Variants in C8orf76 observed in about 807,000 individuals in gnomAD.
The protein encoded by C8orf76 is chromosome 8 open reading frame 76, also known as uncharacterized protein C8orf76.
C8orf76 carries 46 observed loss-of-function variants against 38.1 expected under a neutral mutation model. The observed-to-expected ratio is 1.21, with a 90% CI of 0.95 to 1.54. The LOEUF is 1.54. C8orf76 is among the 40% of genes most tolerant of loss of function. C8orf76 has a pLI of 0.00. For synonymous variants in C8orf76, 166 were observed against 167.5 expected (o/e 0.99, Z 0.07); for missense variants, 461 against 441.6 (o/e 1.04, Z -0.39).
At chr8:123,223,596 A>C (rs954098121) in intron 5 of C8orf76, among the ~76,000 whole-genome samples, 3 of 152,206 alleles carry the variant, frequency 2.0e-5, no homozygotes, top group African/African-American at 7.2e-5. Flanking sequence ...TGACAGAGCA[A>C]GACTCCGTCT....
At chr8:123,223,865 TA>T (rs1824953135) in intron 5 of C8orf76, among the ~76,000 whole-genome samples, 1 of 152,128 alleles carries the variant, frequency 6.6e-6, no homozygotes, top group Non-Finnish European at 1.5e-5. Context: ...AAAGGACACA[TA>T]TGGCATGATT....
At chr8:123,231,816 T>C in intron 3 of C8orf76, 59 bp from the exon 4 acceptor site, 1 of 1,503,794 alleles carries the variant, frequency 6.6e-7, no homozygotes, top group Non-Finnish European at 8.8e-7. Flanking sequence ...CCATATAAAA[T>C]GAGAATGCCT....
At position 123,237,781 on chromosome 8, in the gene C8orf76, G is replaced by A; in HGVS notation, c.357+17C>T. 1 of 1,605,710 alleles carries A rather than the reference G, an allele frequency of 6.2e-7. No homozygotes were observed. The highest frequency in any genetic ancestry group is 8.5e-7 in the Non-Finnish European group (1 of 1,177,150). ...CTTATAGGAATGTGTGTGAAAATAA[G>A]CAATAAAATCACTCACCAAGTTTGC... is the stretch of plus-strand genomic sequence containing the variant. On this transcript the variant is annotated intron_variant, in intron 3 of 5. Coordinates refer to ENST00000276704, the MANE Select transcript of C8orf76 (RefSeq NM_032847.3).
chr8:123,233,615 T>C (rs769077941), intron 3 of C8orf76, among the ~76,000 whole-genome samples: 13 of 152,058 alleles, frequency 8.5e-5, no homozygotes, highest in Middle Eastern at 3.4e-3. Context: ...AGGCTGGTCT[T>C]GAACTCCTGA....
In C8orf76 at chr8:123,231,736, C is replaced by T. The variant is rs1166458923; in HGVS notation, c.379G>A (p.Asp127Asn). ...AGGTAGAGTACCGTGGTTAAATGGT[C>T]TGTGTTGGTTGCTTTATTTTCCTAA... ...ANLENKATNTDHLTTVLYLQL... is the reference protein window; with the variant it reads ...ANLENKATNTNHLTTVLYLQL... Residue 127 changes from aspartate to asparagine, a missense_variant, in exon 4 of 6, where the codon GAC becomes AAC. Coordinates refer to ENST00000276704, the MANE Select transcript of C8orf76 (RefSeq NM_032847.3). 4 of 1,605,970 alleles carry T rather than the reference C, an allele frequency of 2.5e-6. No homozygotes were observed. Among genetic ancestry groups the T allele is most frequent in the Non-Finnish European group, 3.4e-6 (4 of 1,179,082 alleles).
intron 5 of C8orf76, among the ~76,000 whole-genome samples, chr8:123,221,015 T>C (rs1824884209): frequency 1.3e-5 from 2 of 152,314 alleles, no homozygotes; most frequent in South Asian, 4.1e-4. Flanking sequence ...AGGGATGTTG[T>C]AGAGGGAATT....
chr8:123,231,703 C>T lies in C8orf76; in HGVS notation c.412G>A (p.Ala138Thr), dbSNP rs765701081. The change falls in exon 4 of 6, where the codon GCT (alanine) becomes ACT (threonine). Residue 138 changes from alanine (A) to threonine (T), a missense_variant. By Grantham distance (58) the Ala-to-Thr change is moderately conservative. Coordinates refer to ENST00000276704, the MANE Select transcript of C8orf76 (RefSeq NM_032847.3). ...AAGTTCTGCAAACTTGAACAAATAGCAAGCTGGAGGTAGAGTACCGTGGTT... is the reference window on the plus strand; with the variant it reads ...AAGTTCTGCAAACTTGAACAAATAGTAAGCTGGAGGTAGAGTACCGTGGTT... ...HLTTVLYLQL[A>T]ICSSLQNLEK... The T allele has an allele frequency of 1.9e-6, 3 of 1,612,876 alleles. No individual in the cohort carries two copies. The highest frequency in any genetic ancestry group is 2.5e-6 in the Non-Finnish European group (3 of 1,179,998).
intron 1 of C8orf76, among the ~76,000 whole-genome samples, chr8:123,241,000 A>G (rs1284455362): frequency 6.6e-6 from 1 of 152,180 alleles, no homozygotes; most frequent in Non-Finnish European, 1.5e-5. Flanking sequence ...GCCAAATGCC[A>G]AGTGGGAGTC....
At chr8:123,226,991 CCAAT>C (rs1825066451) in intron 4 of C8orf76, among the ~76,000 whole-genome samples, 1 of 152,156 alleles carries the variant, frequency 6.6e-6, no homozygotes, top group Admixed American at 6.5e-5. Flanking sequence ...AACGAGCCTC[CCAAT>C]CAGACTCCTC....
intron 5 of C8orf76, among the ~76,000 whole-genome samples, chr8:123,222,761 C>T (rs1824923687): frequency 6.6e-6 from 1 of 152,050 alleles, no homozygotes; most frequent in African/African-American, 2.4e-5. Context: ...TTTTTATCTA[C>T]CAAGCTACCA....
intron 4 of C8orf76, among the ~76,000 whole-genome samples, chr8:123,228,574 G>A (rs1253323930): frequency 2.6e-5 from 4 of 151,632 alleles, no homozygotes; most frequent in South Asian, 2.1e-4. Context: ...AGCCGAGATC[G>A]CGCCATTGCA....
At position 123,220,083 on chromosome 8, in the gene C8orf76, GT is replaced by G; in HGVS notation, c.*19del. On this transcript the variant is annotated 3_prime_UTR_variant, in exon 6 of 6. Coordinates refer to ENST00000276704, the MANE Select transcript of C8orf76 (RefSeq NM_032847.3). ...ATTAATACAGTACAAGATATTTGTG[GT>G]TTTGTTTTTTATAACCCACTAAGCC... 2 of 1,499,740 alleles carry G rather than the reference GT, an allele frequency of 1.3e-6. No homozygotes were observed. Among genetic ancestry groups the G allele is most frequent in the Non-Finnish European group, 1.8e-6 (2 of 1,091,704 alleles). 92.9% of individuals were successfully genotyped at this position (1,499,740 alleles called of 1,614,324 possible).
chr8:123,222,267 C>T (rs1350990811), intron 5 of C8orf76, among the ~76,000 whole-genome samples: 3 of 152,108 alleles, frequency 2.0e-5, no homozygotes, highest in South Asian at 2.1e-4. Context: ...TACGGGCGTG[C>T]GCCACCGCGC....
At chr8:123,228,936 G>A (rs1825140213) in intron 4 of C8orf76, among the ~76,000 whole-genome samples, 1 of 152,208 alleles carries the variant, frequency 6.6e-6, no homozygotes, top group African/African-American at 2.4e-5. Flanking sequence ...TAAGGAATGT[G>A]TGCAAGGTCA....
Position 123,237,894 on chromosome 8 carries a change from G to A in C8orf76, c.261C>T (p.Thr87=), listed in dbSNP as rs1475880807. Reference sequence around the variant, plus strand: ...GGACATCCCTTTTCATGGCAAAATTGGTTGATGACAATTTTTCAGAGATAC... The same window carrying A: ...GGACATCCCTTTTCATGGCAAAATTAGTTGATGACAATTTTTCAGAGATAC... ...YSSISEKLSS[T]NFAMKRDVQE... Residue 87 remains threonine, a synonymous_variant, in exon 3 of 6, where the codon ACC becomes ACT. Transcript: ENST00000276704. 1.2e-6 allele frequency: 2 copies of A among 1,613,930 alleles called. No individual in the cohort carries two copies. The highest frequency in any genetic ancestry group is 1.7e-6 in the Non-Finnish European group (2 of 1,179,978).
At chr8:123,237,450 G>C (rs1439598103) in intron 3 of C8orf76, among the ~76,000 whole-genome samples, 2 of 152,104 alleles carry the variant, frequency 1.3e-5, no homozygotes, top group Non-Finnish European at 2.9e-5. Context: ...GTTCATTGTA[G>C]AAATTTTGGA....
Position 123,237,111 on chromosome 8 carries a change from A to G in C8orf76, c.357+687T>C, listed in dbSNP as rs542552507. 74 of 986,842 alleles carry G rather than the reference A, an allele frequency of 7.5e-5. No homozygotes were observed. The South Asian group carries it at 9.1e-4, about 12-fold the overall frequency. 61.1% of individuals were successfully genotyped at this position (986,842 alleles called of 1,614,324 possible). ...CTCGCCCAGAAATACAACTACAACA[A>G]GATGATCTGCCGCAAGTGCTGTGCC... is the stretch of plus-strand genomic sequence containing the variant. On this transcript the variant is annotated intron_variant, in intron 3 of 5. Coordinates refer to ENST00000276704, the MANE Select transcript of C8orf76 (RefSeq NM_032847.3).
chr8:123,239,979 C>CCA (rs1825627001), intron 1 of C8orf76: 1 of 145,808 alleles, frequency 6.9e-6, no homozygotes, highest in Non-Finnish European at 1.5e-5. Context: ...GCAACAAACT[C>CCA]CACCTCAAAA....
At chr8:123,227,789 G>A (rs1400874295) in intron 4 of C8orf76, among the ~76,000 whole-genome samples, 1 of 152,134 alleles carries the variant, frequency 6.6e-6, no homozygotes, top group African/African-American at 2.4e-5. Flanking sequence ...GGAAAGAAAT[G>A]CGGAATTGAC....
Sources: allele counts gnomAD v4.1 joint callset (sites outside exome capture counted in the v4.1 genomes callset), GRCh38; gene constraint gnomAD v4.1.1; transcripts MANE v1.5; gene names NCBI Gene and HGNC (gene_info 2026-07-23, HGNC 2026-07-21).